Variants in EP400 observed in about 807,000 individuals in gnomAD.
EP400 encodes the protein E1A binding protein p400.
A neutral mutation model predicts 354.1 loss-of-function variants in EP400; 105 were observed. The ratio of observed to expected loss-of-function variants is 0.30; its 90% CI spans 0.25 to 0.35. EP400 has a LOEUF of 0.35. Ranked by LOEUF, EP400 falls within the 10% of genes least tolerant of loss-of-function variation. The pLI is 1.00. For synonymous variants in EP400, 1,646 were observed against 1,716.9 expected (o/e 0.96, Z 1.02); for missense variants, 3,280 against 4,121.0 (o/e 0.80, Z 5.59).
Position 131,961,899 on chromosome 12 carries a change from A to C in EP400, c.1280A>C (p.Glu427Ala). Residue 427 changes from glutamate to alanine, a missense_variant, in exon 2 of 53, where the codon GAA becomes GCA. Glu to Ala is a moderately radical substitution (Grantham distance 107, BLOSUM62 -1). Transcript: ENST00000389561. ...YLRQNDLDIE[E>A]EEEEEEEEEE... ...AGGCAGAATGATTTGGACATTGAAGAAGAGGAGGAGGAGGAGGAAGAGGAG... is the reference window on the plus strand; with the variant it reads ...AGGCAGAATGATTTGGACATTGAAGCAGAGGAGGAGGAGGAGGAAGAGGAG... The C allele has an allele frequency of 6.2e-7, 1 of 1,614,114 alleles. No homozygotes were observed. The highest frequency in any genetic ancestry group is 8.5e-7 in the Non-Finnish European group (1 of 1,179,942).
chr12:131,978,041 T>A (rs535747890), intron 2 of EP400, among the ~76,000 whole-genome samples: 1 of 152,368 alleles, frequency 6.6e-6, no homozygotes, highest in Non-Finnish European at 1.5e-5. Context: ...GCATTTACTT[T>A]AATGGCAAGG....
chr12:132,051,639 A>G (rs1162354301), intron 41 of EP400, among the ~76,000 whole-genome samples: 4 of 152,216 alleles, frequency 2.6e-5, no homozygotes, highest in Non-Finnish European at 5.9e-5. Context: ...GCTGCTAACT[A>G]AACGGCAGAG....
At chr12:132,059,125 G>T (rs1307617809) in intron 45 of EP400, among the ~76,000 whole-genome samples, 1 of 152,164 alleles carries the variant, frequency 6.6e-6, no homozygotes, top group Non-Finnish European at 1.5e-5. Context: ...AAAGAAATAG[G>T]ATTCACTGAA....
rs1340802885 is a variant in EP400, at chr12:132,038,442, C to A, written c.6207+346C>A. ...GGCTCTGCGGGCACTACCCCTACTCCCCTCTAGCTGGCTGTGTTGGCTTCT... is the reference window on the plus strand; with the variant it reads ...GGCTCTGCGGGCACTACCCCTACTCACCTCTAGCTGGCTGTGTTGGCTTCT... On this transcript the variant is annotated intron_variant, in intron 32 of 52. Transcript: ENST00000389561. The surrounding 1 kb of genome is among the most constrained non-coding windows in gnomAD (Gnocchi z 4.2). Among the ~76,000 whole-genome samples the A allele has an allele frequency of 6.6e-6, 1 of 152,198 alleles. No individual in the cohort carries two copies. The highest frequency in any genetic ancestry group is 1.5e-5 in the Non-Finnish European group (1 of 68,026).
intron 39 of EP400, among the ~76,000 whole-genome samples, chr12:132,048,148 A>G (rs1209898028): frequency 6.6e-6 from 1 of 152,202 alleles, no homozygotes; most frequent in Non-Finnish European, 1.5e-5. Flanking sequence ...TGCAGTTAAC[A>G]AAATCATCAC....
chr12:131,993,736 T>A (rs1453700738), intron 11 of EP400, among the ~76,000 whole-genome samples: 2 of 152,190 alleles, frequency 1.3e-5, no homozygotes, highest in Non-Finnish European at 2.9e-5. Context: ...ATCCTGTGGG[T>A]AATTGGAATA....
chr12:132,036,606 G>A (rs953712983), intron 30 of EP400, among the ~76,000 whole-genome samples: 3 of 152,280 alleles, frequency 2.0e-5, no homozygotes, highest in East Asian at 1.9e-4. Flanking sequence ...ACTGTCACAC[G>A]TGCAGCAGCA....
In EP400 at chr12:132,004,002, TAAAGGGTTTTCCCCTGTTAGATC is replaced by T. The variant is rs566168627; in HGVS notation, c.2828-1074_2828-1052del. On this transcript the variant is annotated intron_variant, in intron 12 of 52. Coordinates refer to ENST00000389561, the MANE Select transcript of EP400 (RefSeq NM_015409.5). Reference sequence around the variant, plus strand: ...ACATATCACAAGTACACAGCCCAACTAAAGGGTTTTCCCCTGTTAGATCTACCACTGTGTGAACATTCTTTGAA... The same window carrying T: ...ACATATCACAAGTACACAGCCCAACTTACCACTGTGTGAACATTCTTTGAA... Among the ~76,000 whole-genome samples the T allele has an allele frequency of 3.0e-3, 454 of 152,274 alleles. 1 individual carries two copies. The highest frequency in any genetic ancestry group is 0.01 in the African/African-American group (431 of 41,550).
intron 13 of EP400, among the ~76,000 whole-genome samples, chr12:132,005,887 T>G (rs534338308): frequency 2.2e-4 from 33 of 152,328 alleles, no homozygotes; most frequent in Middle Eastern, 3.4e-3. Context: ...ATTATACTCT[T>G]GGAGGGCTTT....
At chr12:132,042,877 G>A (rs758597980) in intron 32 of EP400, among the ~76,000 whole-genome samples, 14 of 152,204 alleles carry the variant, frequency 9.2e-5, no homozygotes, top group Non-Finnish European at 1.9e-4. Context: ...TGGGCTGTCC[G>A]TCTGCTGTCT....
intron 15 of EP400, among the ~76,000 whole-genome samples, chr12:132,008,625 G>A (rs969205815): frequency 6.6e-6 from 1 of 150,474 alleles, no homozygotes; most frequent in East Asian, 2.0e-4. Context: ...CTTTCACCCA[G>A]GCCAGAGTGC....
At chr12:132,032,220 A>T (rs1894536840) in intron 30 of EP400, 71 bp downstream of exon 30, 1 of 1,479,416 alleles carries the variant, frequency 6.8e-7, no homozygotes, top group African/African-American at 1.4e-5. Context: ...GCCTGCGGGG[A>T]TGGCCGCGTG....
chr12:131,991,468 G>C lies in EP400; in HGVS notation c.2679+12G>C. On this transcript the variant is annotated intron_variant, in intron 10 of 52. Coordinates refer to ENST00000389561, the MANE Select transcript of EP400 (RefSeq NM_015409.5). ...AGGAAAGTTCTCTGGTAAGTTTGGGGTTGTTACTGTGCTGTGTGAGAAGGA... is the reference window on the plus strand; with the variant it reads ...AGGAAAGTTCTCTGGTAAGTTTGGGCTTGTTACTGTGCTGTGTGAGAAGGA... 6.2e-7 allele frequency: 1 copy of C among 1,613,846 alleles called. No individual in the cohort carries two copies.
chr12:132,045,059 C>A, intron 37 of EP400, 106 bp downstream of exon 37: 1 of 1,439,938 alleles, frequency 6.9e-7, no homozygotes, highest in Non-Finnish European at 9.4e-7. Context: ...TGCCTGTCTG[C>A]TGCAGGGCTA....
chr12:132,073,459 C>CTTTTTTTTTTTTTTTT lies in EP400; in HGVS notation c.9022-3043_9022-3042insTTTTTTTTTTTTTTTT, dbSNP rs58724167. ...GTGCGTTTTAATTCTGTCCCTTTTC[C>CTTTTTTTTTTTTTTTT]TTTTTTTTTTTTTTGACACAGTCTT... On this transcript the variant is annotated intron_variant, in intron 51 of 52. Coordinates refer to ENST00000389561, the MANE Select transcript of EP400 (RefSeq NM_015409.5). Among the ~76,000 whole-genome samples, 844 of 117,608 alleles carry CTTTTTTTTTTTTTTTT rather than the reference C, an allele frequency of 7.2e-3. 118 individuals are homozygous for CTTTTTTTTTTTTTTTT. The highest frequency in any genetic ancestry group is 0.034 in the African/African-American group (778 of 22,568). The allele number at this position is 117,608 out of a possible 152,430, so 77.2% of individuals were successfully genotyped here. A position where few individuals can be genotyped will look rare whatever the true frequency, so the allele number is the denominator to read the frequency against.
Position 132,030,043 on chromosome 12 carries a change from G to A in EP400, c.5639G>A (p.Arg1880Gln), listed in dbSNP as rs1175745153. ...LLQKLKSEGR[R>Q]VLILSQMILM... ...CAGAAATTGAAATCTGAAGGACGTC[G>A]GGTGCTGATTTTATCACAGATGATT... The change falls in exon 29 of 53, where the codon CGG becomes CAG. Residue 1880 changes from arginine (R) to glutamine (Q), a missense_variant. Arg to Gln is a conservative substitution (Grantham distance 43). Coordinates refer to ENST00000389561, the MANE Select transcript of EP400 (RefSeq NM_015409.5). 6.8e-6 allele frequency: 11 copies of A among 1,614,100 alleles called. No individual in the cohort carries two copies. The highest frequency in any genetic ancestry group is 1.3e-5 in the African/African-American group (1 of 74,934).
At chr12:132,073,919 G>GGTT (rs1896143100) in intron 51 of EP400, among the ~76,000 whole-genome samples, 7 of 82,126 alleles carry the variant, frequency 8.5e-5, no homozygotes, top group African/African-American at 2.3e-4. Flanking sequence ...GTTTTTTGGG[G>GGTT]TTTTTTTTTT....
rs1389291728 is a variant in EP400 at position 132,043,416 on chromosome 12, A to G, written c.6320A>G (p.Asp2107Gly). ...LSSDSENMPC[D>G]EEPSQLEELA... ...TCAGACTCTGAGAACATGCCGTGTGATGAAGAACCATCCCAATTAGAGGAG... is the reference window on the plus strand; with the variant it reads ...TCAGACTCTGAGAACATGCCGTGTGGTGAAGAACCATCCCAATTAGAGGAG... The change falls in exon 33 of 53, where the codon GAT becomes GGT. Residue 2107 changes from aspartate to glycine, a missense_variant. Physicochemically the swap from Asp to Gly is moderately conservative, Grantham distance 94. Around this residue, in one of 20 missense-constraint regions of EP400, gnomAD observed 54 missense variants for 41.3 expected, o/e 1.31. Transcript: ENST00000389561. 1.9e-6 allele frequency: 3 copies of G among 1,613,446 alleles called. No individual in the cohort carries two copies. Among genetic ancestry groups the G allele is most frequent in the Middle Eastern group, 1.8e-4 (1 of 5,544 alleles).
intron 39 of EP400, 131 bp downstream of exon 39, chr12:132,046,031 A>C (rs775049639): frequency 2.8e-5 from 33 of 1,189,822 alleles, no homozygotes; most frequent in Non-Finnish European, 3.6e-5. Context: ...GGTGAAGTCC[A>C]TCTCCTTGGG....
Sources: gnomAD v4.1 joint callset for allele counts (sites outside exome capture counted in the v4.1 genomes callset) on GRCh38, gnomAD v4.1.1 for gene constraint, gnomAD v4.1.1 regional missense constraint, Gnocchi (gnomAD v3.1) non-coding constraint, MANE v1.5 for transcripts, NCBI Gene and HGNC (gene_info 2026-07-23, HGNC 2026-07-21) for gene names.